The following BMPR1A variants were observed in gnomAD, a reference collection of about 807,000 sequenced individuals.
The protein encoded by BMPR1A is bone morphogenetic protein receptor type 1A.
Under a neutral mutation model 66.0 loss-of-function variants are expected in BMPR1A, and 7 were observed. That is an observed-to-expected ratio of 0.11 (90% CI 0.06 to 0.20). BMPR1A has a LOEUF of 0.20. Among genes scored for constraint, BMPR1A ranks in the 10% least tolerant of loss-of-function variants. BMPR1A has a pLI of 1.00. For synonymous variants in BMPR1A, 200 were observed against 229.7 expected (o/e 0.87, Z 1.17); for missense variants, 408 against 669.1 (o/e 0.61, Z 4.31).
At chr10:86,791,748 C>T (rs1422586325) in intron 1 of BMPR1A, among the ~76,000 whole-genome samples, 1 of 129,724 alleles carries the variant, frequency 7.7e-6, no homozygotes, top group Non-Finnish European at 1.6e-5. Flanking sequence ...CTCCCTCCCT[C>T]TTGCTCTGTT....
At chr10:86,865,426 ACTC>A (rs1375594644) in intron 2 of BMPR1A, among the ~76,000 whole-genome samples, 1 of 151,738 alleles carries the variant, frequency 6.6e-6, no homozygotes, top group Non-Finnish European at 1.5e-5. Context: ...CCAGAGAACA[ACTC>A]CTCTTTGACT....
intron 1 of BMPR1A, among the ~76,000 whole-genome samples, chr10:86,772,951 T>TA (rs1477790571): frequency 6.6e-6 from 1 of 152,162 alleles, no homozygotes; most frequent in East Asian, 1.9e-4. Context: ...ACTGTAAGTT[T>TA]AAAAAATTCT....
At position 86,927,502 on chromosome 10, in the gene BMPR1A, T is replaced by C. The variant is rs1843760958; in HGVS notation, c.*3783T>C. ...GTGGAAACTGCAGGGAGGAGGTGTGTTCCTAAGAACCAAAATCCAGCACAG... is the reference window on the plus strand; with the variant it reads ...GTGGAAACTGCAGGGAGGAGGTGTGCTCCTAAGAACCAAAATCCAGCACAG... On this transcript the variant is annotated 3_prime_UTR_variant, in exon 13 of 13. Coordinates refer to ENST00000372037, the MANE Select transcript of BMPR1A (RefSeq NM_004329.3). 5.0e-6 allele frequency: 1 copy of C among 200,388 alleles called. No individual in the cohort carries two copies. Among genetic ancestry groups the C allele is most frequent in the Non-Finnish European group, 1.0e-5 (1 of 97,272 alleles). The allele number at this position is 200,388 out of a possible 1,614,324, so 12.4% of individuals were successfully genotyped here.
chr10:86,795,647 A>T (rs184274067), intron 1 of BMPR1A, among the ~76,000 whole-genome samples: 2 of 152,244 alleles, frequency 1.3e-5, no homozygotes, highest in Non-Finnish European at 2.9e-5. Context: ...CCTTCCCCAT[A>T]GTAGGGAGGG....
intron 2 of BMPR1A, among the ~76,000 whole-genome samples, chr10:86,849,252 T>C (rs1309928433): frequency 6.6e-6 from 1 of 152,172 alleles, no homozygotes; most frequent in Non-Finnish European, 1.5e-5. Flanking sequence ...AGTAATGCTG[T>C]TTTTCAGTCT....
chr10:86,797,231 A>ATTTTTTTTTTT (rs1236270338), intron 1 of BMPR1A, among the ~76,000 whole-genome samples: 2 of 83,774 alleles, frequency 2.4e-5, no homozygotes, highest in African/African-American at 7.2e-5. Context: ...AGCCCGGCTA[A>ATTTTTTTTTTT]TTTTTTTTTT....
chr10:86,821,488 T>A (rs1429035048), intron 1 of BMPR1A, among the ~76,000 whole-genome samples: 4 of 152,318 alleles, frequency 2.6e-5, no homozygotes, highest in East Asian at 1.9e-4. Flanking sequence ...TGATTTTTTT[T>A]AAATGTGGAT....
intron 3 of BMPR1A, among the ~76,000 whole-genome samples, chr10:86,883,856 T>C (rs1423606652): frequency 1.4e-5 from 2 of 146,374 alleles, no homozygotes; most frequent in East Asian, 2.1e-4. Context: ...GTGTAAACTT[T>C]GTTTGAGCGT....
chr10:86,779,202 G>A (rs918204652), intron 1 of BMPR1A, among the ~76,000 whole-genome samples: 2 of 152,174 alleles, frequency 1.3e-5, no homozygotes, highest in East Asian at 1.9e-4. Flanking sequence ...TAAACATGGG[G>A]ATGCAGATGT....
At chr10:86,839,417 A>C (rs1037337579) in intron 2 of BMPR1A, among the ~76,000 whole-genome samples, 2 of 151,956 alleles carry the variant, frequency 1.3e-5, no homozygotes, top group African/African-American at 4.8e-5. Flanking sequence ...ACATGGCGAA[A>C]TCTCGTCTCT....
rs780907902 is a variant in BMPR1A at position 86,917,163 on chromosome 10, G to A, written c.705G>A (p.Gln235=). Residue 235 remains glutamine (Q), a synonymous_variant, in exon 9 of 13, where the codon CAG becomes CAA. Transcript: ENST00000372037. ...AGCGAACTATTGCCAAACAGATTCA[G>A]ATGGTCCGGCAAGTTGGTAAAGGCC... ...LVQRTIAKQI[Q]MVRQVGKGRY... 3.7e-6 allele frequency: 6 copies of A among 1,614,100 alleles called. No homozygotes were observed. The highest frequency in any genetic ancestry group is 1.1e-5 in the South Asian group (1 of 91,084).
At chr10:86,821,577 C>T (rs1744619767) in intron 1 of BMPR1A, among the ~76,000 whole-genome samples, 1 of 152,084 alleles carries the variant, frequency 6.6e-6, no homozygotes, top group South Asian at 2.1e-4. Context: ...TGCATTTATA[C>T]CTCCCAAGGC....
At chr10:86,818,674 A>G (rs1842071860) in intron 1 of BMPR1A, among the ~76,000 whole-genome samples, 1 of 152,220 alleles carries the variant, frequency 6.6e-6, no homozygotes, top group African/African-American at 2.4e-5. Flanking sequence ...AAAAACTCAG[A>G]TAAATGTAGA....
intron 2 of BMPR1A, among the ~76,000 whole-genome samples, chr10:86,848,507 T>G (rs1439064307): frequency 6.6e-6 from 1 of 152,144 alleles, no homozygotes; most frequent in East Asian, 1.9e-4. Flanking sequence ...TTCTAGATAA[T>G]TTCATGGGTC....
intron 2 of BMPR1A, among the ~76,000 whole-genome samples, chr10:86,864,692 A>C (rs1017801178): frequency 6.6e-6 from 1 of 152,044 alleles, no homozygotes; most frequent in Admixed American, 6.6e-5. Flanking sequence ...CCCCTTGGGC[A>C]CTCTCTAATT....
chr10:86,851,946 G>A (rs563424922), intron 2 of BMPR1A, among the ~76,000 whole-genome samples: 12 of 152,220 alleles, frequency 7.9e-5, no homozygotes, highest in East Asian at 1.9e-4. Context: ...AAGTTAGTCC[G>A]AGCTAGGCAT....
chr10:86,769,404 C>T (rs1161916749), intron 1 of BMPR1A, among the ~76,000 whole-genome samples: 2 of 152,166 alleles, frequency 1.3e-5, no homozygotes. Flanking sequence ...TCAGCGTGGA[C>T]AACATAGCGA....
At chr10:86,798,636 T>G (rs1841759922) in intron 1 of BMPR1A, among the ~76,000 whole-genome samples, 1 of 152,246 alleles carries the variant, frequency 6.6e-6, no homozygotes, top group African/African-American at 2.4e-5. Context: ...CTTCAGGCCT[T>G]GTAATATCTT....
chr10:86,816,699 C>T (rs980078462), intron 1 of BMPR1A, among the ~76,000 whole-genome samples: 4 of 152,304 alleles, frequency 2.6e-5, no homozygotes, highest in Admixed American at 1.3e-4. Flanking sequence ...AATCGAATGG[C>T]TTCAGGAAAG....
Sources: allele counts gnomAD v4.1 joint callset (sites outside exome capture counted in the v4.1 genomes callset), GRCh38; gene constraint gnomAD v4.1.1; transcripts MANE v1.5; gene names NCBI Gene and HGNC (gene_info 2026-07-23, HGNC 2026-07-21).